Variants in NRXN3 observed in about 807,000 individuals in gnomAD.
NRXN3 encodes neurexin III.
Under a neutral mutation model 137.6 loss-of-function variants are expected in NRXN3, and 32 were observed. The ratio of observed to expected loss-of-function variants is 0.23; its 90% CI spans 0.18 to 0.31. NRXN3 has a LOEUF of 0.31. NRXN3 is among the 10% of genes least tolerant of loss of function. The pLI, the probability that NRXN3 is intolerant of heterozygous loss-of-function variation, is 1.00. For missense variants in NRXN3, 1,574 were observed against 2,062.5 expected (o/e 0.76, Z 4.59); for synonymous variants, 798 against 784.5 (o/e 1.02, Z -0.29).
chr14:78,642,562 A>G, intron 4 of NRXN3, among the ~76,000 whole-genome samples: 1 of 152,176 alleles, frequency 6.6e-6, no homozygotes. Context: ...TTTATAGAAG[A>G]CACCCATTAA....
intron 8 of NRXN3, among the ~76,000 whole-genome samples, chr14:78,772,066 A>G (rs756071746): frequency 3.3e-5 from 5 of 152,174 alleles, no homozygotes; most frequent in Non-Finnish European, 5.9e-5. Flanking sequence ...TTAATTCTGA[A>G]TACCTGTCAC....
intron 15 of NRXN3, among the ~76,000 whole-genome samples, chr14:79,059,085 C>T (rs2099670355): frequency 6.6e-6 from 1 of 151,990 alleles, no homozygotes; most frequent in Non-Finnish European, 1.5e-5. Flanking sequence ...TCAGGATTGG[C>T]CTCAAGGAAC....
intron 4 of NRXN3, among the ~76,000 whole-genome samples, chr14:78,626,980 A>G (rs2097466160): frequency 6.6e-6 from 1 of 152,162 alleles, no homozygotes; most frequent in African/African-American, 2.4e-5. Flanking sequence ...CATGCCTTCT[A>G]CAGCCATCAG....
chr14:78,388,466 A>G (rs1004217516), intron 4 of NRXN3, among the ~76,000 whole-genome samples: 13 of 152,352 alleles, frequency 8.5e-5, no homozygotes, highest in Admixed American at 3.3e-4. Context: ...ACGTTTTAAT[A>G]AGCACAAGAT....
intron 16 of NRXN3, among the ~76,000 whole-genome samples, chr14:79,500,181 G>A (rs776619813): frequency 6.7e-6 from 1 of 148,510 alleles, no homozygotes; most frequent in Non-Finnish European, 1.5e-5. Context: ...TTTCTCATAT[G>A]GGCAGTTTTC....
At chr14:79,423,433 T>C (rs2095610448) in intron 15 of NRXN3, among the ~76,000 whole-genome samples, 1 of 152,182 alleles carries the variant, frequency 6.6e-6, no homozygotes, top group African/African-American at 2.4e-5. Flanking sequence ...TTGAGACTAA[T>C]TAACAATACC....
chr14:79,384,200 TA>T (rs1166336501), intron 15 of NRXN3, among the ~76,000 whole-genome samples: 1 of 152,116 alleles, frequency 6.6e-6, no homozygotes, highest in Non-Finnish European at 1.5e-5. Context: ...AGGAAAAAAT[TA>T]ATCATCTGCC....
chr14:78,979,519 T>A (rs2099483204), intron 14 of NRXN3, among the ~76,000 whole-genome samples: 1 of 152,130 alleles, frequency 6.6e-6, no homozygotes. Context: ...TTCACTCATT[T>A]TTTTCCTATA....
At position 79,761,586 on chromosome 14, in the gene NRXN3, G is replaced by A. The variant is rs376040220; in HGVS notation, c.4015-43526G>A. 1.2e-3 allele frequency among the ~76,000 whole-genome samples: 182 copies of A among 150,100 alleles called. 6 individuals are homozygous for A. The highest frequency in any genetic ancestry group is 3.7e-3 in the African/African-American group (148 of 40,146). The stretch of plus-strand genomic sequence containing the variant: ...CAGGCGCCTGTAGTCTCAGCTACTC[G>A]GGAGGCTGAGGCAGGAGAATGGCGT... On this transcript the variant is annotated intron_variant, in intron 19 of 20. Coordinates refer to ENST00000335750, the MANE Select transcript of NRXN3 (RefSeq NM_001330195.2).
chr14:78,413,346 C>T (rs1247178484), intron 4 of NRXN3, among the ~76,000 whole-genome samples: 2 of 152,170 alleles, frequency 1.3e-5, no homozygotes, highest in African/African-American at 2.4e-5. Flanking sequence ...AGTGCAATGG[C>T]ATAATCTTGG....
chr14:79,100,358 A>G (rs10498535), intron 15 of NRXN3, among the ~76,000 whole-genome samples: 9,469 of 152,306 alleles, frequency 0.062, 895 homozygotes, highest in African/African-American at 0.2. Flanking sequence ...TCAAGTTAAT[A>G]TCTAATGTAA....
chr14:79,504,655 G>GTATATATATATATATA lies in NRXN3; in HGVS notation c.3444+37258_3444+37273dup, dbSNP rs994714026. The stretch of plus-strand genomic sequence containing the variant: ...AATGAAGTTTTTTATATATATATAT[G>GTATATATATATATATA]TATATATATATATATATATAAAACA... On this transcript the variant is annotated intron_variant, in intron 16 of 20. Transcript: ENST00000335750. Among the ~76,000 whole-genome samples, 188 of 104,210 alleles carry GTATATATATATATATA rather than the reference G, an allele frequency of 1.8e-3. 7 individuals are homozygous for GTATATATATATATATA. The highest frequency in any genetic ancestry group is 6.1e-3 in the African/African-American group (178 of 29,178). 68.4% of individuals were successfully genotyped at this position (104,210 alleles called of 152,430 possible).
intron 4 of NRXN3, among the ~76,000 whole-genome samples, chr14:78,452,120 C>T (rs556804760): frequency 6.6e-6 from 1 of 152,142 alleles, no homozygotes; most frequent in Non-Finnish European, 1.5e-5. Context: ...TGTGCATAAT[C>T]TGAGTTAATT....
intron 20 of NRXN3, among the ~76,000 whole-genome samples, chr14:79,818,429 T>C (rs1484827460): frequency 6.6e-6 from 1 of 152,212 alleles, no homozygotes; most frequent in Admixed American, 6.5e-5. Context: ...CACCTTTAAC[T>C]GATGTTAGGA....
chr14:78,233,070 A>C (rs187320689), intron 1 of NRXN3, among the ~76,000 whole-genome samples: 1 of 152,326 alleles, frequency 6.6e-6, no homozygotes, highest in African/African-American at 2.4e-5. Context: ...GAGTATAGGT[A>C]GTAGGTGGAA....
chr14:78,406,173 C>A (rs1320466711), intron 4 of NRXN3, among the ~76,000 whole-genome samples: 6 of 152,154 alleles, frequency 3.9e-5, no homozygotes, highest in Non-Finnish European at 2.9e-5. Flanking sequence ...GGCTTTGAAG[C>A]ATGAGCAGAT....
At chr14:78,860,957 A>T (rs1310351658) in intron 10 of NRXN3, among the ~76,000 whole-genome samples, 1 of 152,122 alleles carries the variant, frequency 6.6e-6, no homozygotes, top group Non-Finnish European at 1.5e-5. Context: ...AATGCATGTT[A>T]TTCAGGGGTC....
At chr14:78,909,145 T>A (rs566920332) in intron 10 of NRXN3, among the ~76,000 whole-genome samples, 5 of 152,108 alleles carry the variant, frequency 3.3e-5, no homozygotes, top group African/African-American at 1.2e-4. Flanking sequence ...AGCAGAACTT[T>A]CAATGAAAAT....
At chr14:79,072,369 A>G (rs1321713121) in intron 15 of NRXN3, 4 of 152,094 alleles carry the variant, frequency 2.6e-5, no homozygotes, top group African/African-American at 9.7e-5. Flanking sequence ...TGGTGTCCTG[A>G]TTTTTTCCAA....
Sources: gnomAD v4.1 joint callset for allele counts (sites outside exome capture counted in the v4.1 genomes callset) on GRCh38, gnomAD v4.1.1 for gene constraint, MANE v1.5 for transcripts, NCBI Gene and HGNC (gene_info 2026-07-23, HGNC 2026-07-21) for gene names.